JADE1: variants seen among roughly 807,000 people sequenced by gnomAD.
The protein encoded by JADE1 is protein Jade-1.
In JADE1, 14 loss-of-function variants were observed where a neutral mutation model predicts 81.8. The ratio of observed to expected loss-of-function variants is 0.17; its 90% confidence interval spans 0.11 to 0.27. The LOEUF is 0.27. Ranked by LOEUF, JADE1 falls within the 10% of genes least tolerant of loss-of-function variation. The probability of loss-of-function intolerance (pLI) is 1.00; values close to 1 mark genes in which losing one functional copy is unlikely to be tolerated. For synonymous variants in JADE1, 353 were observed against 391.9 expected, an observed-to-expected ratio of 0.90 and a Z score of 1.17; for missense variants, 690 against 1,047.9, an observed-to-expected ratio of 0.66 and a Z score of 4.71.
intron 8 of JADE1, among the ~76,000 whole-genome samples, chr4:128,858,522 G>T (rs1197360259): frequency 6.6e-6 from 1 of 152,096 alleles, no homozygotes; most frequent in Non-Finnish European, 1.5e-5. Context: ...TGTCAGCCAT[G>T]GGTTTTAAAG....
At chr4:128,814,648 G>T (rs1356573474) in intron 1 of JADE1, among the ~76,000 whole-genome samples, 2 of 148,170 alleles carry the variant, frequency 1.3e-5, no homozygotes, top group Non-Finnish European at 3.0e-5. Context: ...TGCAACCTAT[G>T]CCTCCCAGGT....
At chr4:128,868,943 A>C (rs1019129086) in intron 10 of JADE1, among the ~76,000 whole-genome samples, 14 of 151,932 alleles carry the variant, frequency 9.2e-5, no homozygotes, top group Non-Finnish European at 2.9e-5. Flanking sequence ...TAGTTGATTC[A>C]CTCTTGTTTT....
intron 2 of JADE1, among the ~76,000 whole-genome samples, chr4:128,833,480 G>T (rs918306442): frequency 6.6e-6 from 1 of 152,150 alleles, no homozygotes; most frequent in African/African-American, 2.4e-5. Context: ...CGAGGTGGGT[G>T]GATCACAAGG....
intron 2 of JADE1, among the ~76,000 whole-genome samples, chr4:128,834,736 A>G (rs1210940005): frequency 6.6e-6 from 1 of 151,792 alleles, no homozygotes; most frequent in Non-Finnish European, 1.5e-5. Flanking sequence ...GGGTTTCATC[A>G]TGTTAGCCAG....
chr4:128,870,188 A>G (rs1732085673), intron 10 of JADE1, among the ~76,000 whole-genome samples: 1 of 152,206 alleles, frequency 6.6e-6, no homozygotes, highest in Non-Finnish European at 1.5e-5. Context: ...TGTGATGTGA[A>G]GGTTGATTCT....
chr4:128,850,312 CAA>C (rs10626914), intron 5 of JADE1, among the ~76,000 whole-genome samples: 1 of 139,978 alleles, frequency 7.1e-6, no homozygotes, highest in African/African-American at 2.7e-5. Flanking sequence ...GACTCCATCT[CAA>C]AAAAAAAAAA....
chr4:128,827,789 T>G (rs1728201705), intron 1 of JADE1: 1 of 779,654 alleles, frequency 1.3e-6, no homozygotes, highest in African/African-American at 1.9e-5. Flanking sequence ...ACAGGGCATA[T>G]GGGGACTTCA....
chr4:128,852,592 G>T (rs1730447252), intron 6 of JADE1, among the ~76,000 whole-genome samples: 1 of 152,180 alleles, frequency 6.6e-6, no homozygotes, highest in Non-Finnish European at 1.5e-5. Context: ...TTAAATTTAG[G>T]TATTAAGAAC....
At chr4:128,814,061 C>T (rs2125784236) in intron 1 of JADE1, among the ~76,000 whole-genome samples, 1 of 151,504 alleles carries the variant, frequency 6.6e-6, no homozygotes, top group East Asian at 1.9e-4. Context: ...AAAAAACCCA[C>T]CTTCTTAGTT....
chr4:128,822,561 A>T (rs1727675979), intron 1 of JADE1, among the ~76,000 whole-genome samples: 1 of 151,362 alleles, frequency 6.6e-6, no homozygotes, highest in South Asian at 2.1e-4. Flanking sequence ...AAAAAAAAAA[A>T]ATACAAAATT....
intron 1 of JADE1, chr4:128,811,292 A>G (rs1293212964): frequency 6.6e-6 from 1 of 152,306 alleles, no homozygotes; most frequent in Non-Finnish European, 1.5e-5. Flanking sequence ...GCTGCTGCTC[A>G]AAGTGGCGGA....
intron 9 of JADE1, 121 bp downstream of exon 9, chr4:128,862,346 G>A: frequency 1.3e-6 from 2 of 1,482,600 alleles, no homozygotes; most frequent in Non-Finnish European, 9.0e-7. Flanking sequence ...ACACACCACA[G>A]CATGAGGTTG....
At chr4:128,813,212 GA>G (rs1726642919) in intron 1 of JADE1, among the ~76,000 whole-genome samples, 1 of 151,922 alleles carries the variant, frequency 6.6e-6, no homozygotes. Flanking sequence ...GAAAGGTGGA[GA>G]AAGGAAGCAT....
At chr4:128,857,718 C>T (rs1315133006) in intron 8 of JADE1, among the ~76,000 whole-genome samples, 1 of 152,200 alleles carries the variant, frequency 6.6e-6, no homozygotes, top group African/African-American at 2.4e-5. Flanking sequence ...CAGTTTGTCT[C>T]TCGCTACCCT....
intron 1 of JADE1, chr4:128,812,024 C>A (rs974838634): frequency 3.9e-5 from 6 of 152,030 alleles, no homozygotes; most frequent in Non-Finnish European, 7.3e-5. Flanking sequence ...CCGTTTCCAG[C>A]GGCGCAAGTG....
rs1435466522 is a variant in JADE1 at position 128,861,787 on chromosome 4, G to C, written c.1065G>C (p.Glu355Asp). 6.2e-7 allele frequency: 1 copy of C among 1,614,226 alleles called. No individual in the cohort carries two copies. Among genetic ancestry groups the C allele is most frequent in the South Asian group, 1.1e-5 (1 of 91,086 alleles). ...TGGAGATGAAGACCATCTTAGCAGA[G>C]AATGATGAAGTCAAGTTCAAGTCCT... ...RGLEMKTILA[E>D]NDEVKFKSYC... Residue 355 changes from glutamate (E) to aspartate (D), a missense_variant, in exon 9 of 11, where the codon GAG (glutamate) becomes GAC (aspartate). Physicochemically the swap from Glu to Asp is conservative, Grantham distance 45. This residue lies in a region of JADE1 where 77 missense variants were observed against 76.4 expected (regional missense o/e 1.01). Transcript: ENST00000226319.
chr4:128,817,312 C>G (rs1369137112), intron 1 of JADE1, among the ~76,000 whole-genome samples: 1 of 151,858 alleles, frequency 6.6e-6, no homozygotes, highest in East Asian at 1.9e-4. Flanking sequence ...ACTGCGATTA[C>G]AAGTGTGCAC....
In JADE1 at chr4:128,863,283, G is replaced by T. The variant is rs1314963982; in HGVS notation, c.1503+1058G>T. 10 of 985,428 alleles carry T rather than the reference G, an allele frequency of 1.0e-5. No individual in the cohort carries two copies. In the African/African-American group the frequency reaches 1.6e-4, roughly 16 times the overall value. 61.0% of individuals were successfully genotyped at this position (985,428 alleles called of 1,614,324 possible). ...TTGCTAATTGGGGATGCTTCTTAGA[G>T]CATCTTCCACATCAACTCCCCTGGC... is the stretch of plus-strand genomic sequence containing the variant. On this transcript the variant is annotated intron_variant, in intron 9 of 10. Coordinates refer to ENST00000226319, the MANE Select transcript of JADE1 (RefSeq NM_199320.4).
Position 128,874,418 on chromosome 4 carries a change from T to C in JADE1, c.*2156T>C, listed in dbSNP as rs1732418190. 1 of 151,740 alleles carries C rather than the reference T, an allele frequency of 6.6e-6. No individual in the cohort carries two copies. Among genetic ancestry groups the C allele is most frequent in the African/African-American group, 2.4e-5 (1 of 41,314 alleles). The allele number at this position is 151,740 out of a possible 1,614,324, so 9.4% of individuals were successfully genotyped here. A position where few individuals can be genotyped will look rare whatever the true frequency, so the allele number is the denominator to read the frequency against. ...TTGTGCAAAAATAATGCCTTACCTG[T>C]TTTTTCCCCACATTTAGGTTGAAAA... On this transcript the variant is annotated 3_prime_UTR_variant, in exon 11 of 11. Coordinates refer to ENST00000226319, the MANE Select transcript of JADE1 (RefSeq NM_199320.4).
Sources: allele counts gnomAD v4.1 joint callset (sites outside exome capture counted in the v4.1 genomes callset), GRCh38; gene constraint gnomAD v4.1.1; regional missense constraint gnomAD v4.1.1; transcripts MANE v1.5; gene names NCBI Gene and HGNC (gene_info 2026-07-23, HGNC 2026-07-21).